Variants in SLC15A2 observed in about 807,000 individuals in gnomAD.
SLC15A2 encodes kidney H(+)/peptide cotransporter.
SLC15A2 carries 77 observed loss-of-function variants against 95.5 expected under a neutral mutation model. That is an observed-to-expected ratio of 0.81 (90% CI 0.67 to 0.97). The LOEUF is 0.97. SLC15A2 is among the 50% of genes least tolerant of loss of function. SLC15A2 has a pLI of 0.00. For synonymous variants in SLC15A2, 306 were observed against 306.9 expected (o/e 1.00, Z 0.03); for missense variants, 893 against 874.4 (o/e 1.02, Z -0.27).
At chr3:121,917,376 A>G (rs11914993) in intron 7 of SLC15A2, among the ~76,000 whole-genome samples, 67,865 of 151,946 alleles carry the variant, frequency 0.45, 15,692 homozygotes, top group East Asian at 0.69. Context: ...ATGGGAATGC[A>G]TAGAAGCAAT....
intron 20 of SLC15A2, among the ~76,000 whole-genome samples, chr3:121,939,727 C>T (rs1038117291): frequency 6.6e-6 from 1 of 152,084 alleles, no homozygotes; most frequent in Non-Finnish European, 1.5e-5. Context: ...AAATGAAGAG[C>T]TGCAGAGTCA....
chr3:121,905,326 G>A (rs1225868205), intron 3 of SLC15A2, among the ~76,000 whole-genome samples: 1 of 152,020 alleles, frequency 6.6e-6, no homozygotes, highest in Non-Finnish European at 1.5e-5. Context: ...TTTTTTGAAG[G>A]GTTTTTTGTG....
intron 13 of SLC15A2, 149 bp from the exon 14 acceptor site, chr3:121,927,609 C>A (rs1710146695): frequency 1.7e-6 from 1 of 590,964 alleles, no homozygotes; most frequent in Non-Finnish European, 3.0e-6. Flanking sequence ...AATTAAACTT[C>A]TTTTCTTTAT....
In SLC15A2 at chr3:121,930,963, C is replaced by T; in HGVS notation, c.1664+13C>T. 6.7e-7 allele frequency: 1 copy of T among 1,492,372 alleles called. No homozygotes were observed. The highest frequency in any genetic ancestry group is 9.3e-7 in the Non-Finnish European group (1 of 1,071,222). 92.4% of individuals were successfully genotyped at this position (1,492,372 alleles called of 1,614,324 possible). On this transcript the variant is annotated intron_variant, in intron 18 of 21. Transcript: ENST00000489711. The stretch of plus-strand genomic sequence containing the variant: ...TGCAAAGAGGAGAGTAAGTGCATTG[C>T]CCCTGTGGACATTTTACTTTTGTCA...
At chr3:121,917,466 A>G (rs1028374332) in intron 7 of SLC15A2, among the ~76,000 whole-genome samples, 1 of 152,122 alleles carries the variant, frequency 6.6e-6, no homozygotes, top group African/African-American at 2.4e-5. Context: ...AGGCAGGAGG[A>G]TTGCGTGAGC....
Position 121,894,450 on chromosome 3 carries a change from GGAGA to G in SLC15A2, c.-17_-14del. 1 of 1,583,856 alleles carries G rather than the reference GGAGA, an allele frequency of 6.3e-7. No individual in the cohort carries two copies. Among genetic ancestry groups the G allele is most frequent in the Non-Finnish European group, 8.6e-7 (1 of 1,156,386 alleles). Reference sequence around the variant, plus strand: ...CTGCCTACTAAAGCCAAATGCTTGAGGAGAGAGAGAGAGTAAGGAGCCAGCCATG... The same window carrying G: ...CTGCCTACTAAAGCCAAATGCTTGAGGAGAGAGAGTAAGGAGCCAGCCATG... On this transcript the variant is annotated 5_prime_UTR_variant, in exon 1 of 22. It introduces an in-frame stop codon into an upstream open reading frame of the 5' UTR. Coordinates refer to ENST00000489711, the MANE Select transcript of SLC15A2 (RefSeq NM_021082.4).
In SLC15A2 at chr3:121,929,003, C is replaced by T. The variant is rs750094497; in HGVS notation, c.1363C>T (p.Leu455=). 1 of 1,614,064 alleles carries T rather than the reference C, an allele frequency of 6.2e-7. No individual in the cohort carries two copies. The highest frequency in any genetic ancestry group is 1.1e-5 in the South Asian group (1 of 91,072). Residue 455 remains leucine, a synonymous_variant, in exon 16 of 22, where the codon CTG becomes TTG. Coordinates refer to ENST00000489711, the MANE Select transcript of SLC15A2 (RefSeq NM_021082.4). ...ACAGAAAACACCACACTATTCCAAA[C>T]TGCACCTGAAAACAAAAAGCCAGGA... ...SFQKTPHYSK[L]HLKTKSQDFH...
At chr3:121,927,318 G>A (rs1354485433) in intron 13 of SLC15A2, among the ~76,000 whole-genome samples, 1 of 152,224 alleles carries the variant, frequency 6.6e-6, no homozygotes, top group African/African-American at 2.4e-5. Context: ...AGTGATAAAG[G>A]TGGGGCCTGG....
Position 121,923,137 on chromosome 3 carries a change from T to C in SLC15A2, c.957+8T>C, listed in dbSNP as rs968604039. ...GCTCTTTTGGATCAGCAGGTAAGAATAGTTCTTTTGGACATTACCGCTCCT... is the reference window on the plus strand; with the variant it reads ...GCTCTTTTGGATCAGCAGGTAAGAACAGTTCTTTTGGACATTACCGCTCCT... On this transcript the variant is annotated splice_region_variant and intron_variant, in intron 10 of 21. Transcript: ENST00000489711. The C allele has an allele frequency of 1.2e-6, 2 of 1,613,762 alleles. No individual in the cohort carries two copies. Among genetic ancestry groups the C allele is most frequent in the East Asian group, 4.5e-5 (2 of 44,888 alleles).
chr3:121,906,031 C>G (rs1207519275), intron 3 of SLC15A2, among the ~76,000 whole-genome samples: 1 of 152,122 alleles, frequency 6.6e-6, no homozygotes, highest in Non-Finnish European at 1.5e-5. Flanking sequence ...TCTGGGTGCT[C>G]CTGTACTGGG....
chr3:121,925,050 T>C lies in SLC15A2; in HGVS notation c.1124+17T>C. ...TAACTTCTCGTAAGTGTTCACTATG[T>C]CTGTATGGATTACTCTAAATTGACT... On this transcript the variant is annotated intron_variant, in intron 13 of 21. Coordinates refer to ENST00000489711, the MANE Select transcript of SLC15A2 (RefSeq NM_021082.4). The C allele has an allele frequency of 6.7e-7, 1 of 1,495,852 alleles. No homozygotes were observed. The highest frequency in any genetic ancestry group is 1.1e-5 in the South Asian group (1 of 88,840). 92.7% of individuals were successfully genotyped at this position (1,495,852 alleles called of 1,614,324 possible).
In SLC15A2 at chr3:121,896,284, C is replaced by G. The variant is rs538014273; in HGVS notation, c.106-122C>G. On this transcript the variant is annotated intron_variant, in intron 1 of 21. Transcript: ENST00000489711. ...ATAGGTGTGTCATGAAGAGTAGAGA[C>G]CATTGCTCCATTACCTACCAAGATG... The G allele has an allele frequency of 5.6e-4, 420 of 752,482 alleles. 4 individuals carry two copies. In the South Asian group the frequency reaches 5.7e-3, roughly 10 times the overall value. 46.6% of individuals were successfully genotyped at this position (752,482 alleles called of 1,614,324 possible). A position where few individuals can be genotyped will look rare whatever the true frequency, so the allele number is the denominator to read the frequency against.
In SLC15A2 at chr3:121,940,243, C is replaced by T. The variant is rs141372470; in HGVS notation, c.1909-141C>T. On this transcript the variant is annotated intron_variant, in intron 20 of 21. Coordinates refer to ENST00000489711, the MANE Select transcript of SLC15A2 (RefSeq NM_021082.4). Reference sequence around the variant, plus strand: ...TTATTCTTACTGTTTACATTATTAACACCCTCTGAATCAATGTGATAGCTG... The same window carrying T: ...TTATTCTTACTGTTTACATTATTAATACCCTCTGAATCAATGTGATAGCTG... 1,386 of 606,778 alleles carry T rather than the reference C, an allele frequency of 2.3e-3. 4 individuals are homozygous for T. Among genetic ancestry groups the T allele is most frequent in the Middle Eastern group, 5.6e-3 (13 of 2,328 alleles). The allele number at this position is 606,778 out of a possible 1,614,324, so 37.6% of individuals were successfully genotyped here.
Position 121,941,326 on chromosome 3 carries a change from T to C in SLC15A2, c.*319T>C, listed in dbSNP as rs1710460817. 4.9e-6 allele frequency: 1 copy of C among 202,848 alleles called. No individual in the cohort carries two copies. Among genetic ancestry groups the C allele is most frequent in the African/African-American group, 2.3e-5 (1 of 43,428 alleles). The allele number at this position is 202,848 out of a possible 1,614,324, so 12.6% of individuals were successfully genotyped here. A position where few individuals can be genotyped will look rare whatever the true frequency, so the allele number is the denominator to read the frequency against. Reference sequence around the variant, plus strand: ...CTGTGGGTATGCAAAGTTATGGGAATTCCTTTATAGGTAACTGCCATTTAG... The same window carrying C: ...CTGTGGGTATGCAAAGTTATGGGAACTCCTTTATAGGTAACTGCCATTTAG... On this transcript the variant is annotated 3_prime_UTR_variant, in exon 22 of 22. Coordinates refer to ENST00000489711, the MANE Select transcript of SLC15A2 (RefSeq NM_021082.4).
rs778101552 is a variant in SLC15A2, at chr3:121,915,295, A to G, written c.597A>G (p.Thr199=). 4 of 1,611,042 alleles carry G rather than the reference A, an allele frequency of 2.5e-6. No individual in the cohort carries two copies. Among genetic ancestry groups the G allele is most frequent in the Middle Eastern group, 1.6e-4 (1 of 6,082 alleles). The change falls in exon 6 of 22, where the codon ACA becomes ACG. Residue 199 remains threonine (T), a synonymous_variant. Coordinates refer to ENST00000489711, the MANE Select transcript of SLC15A2 (RefSeq NM_021082.4). ...LSINAGSLIS[T]FITPMLRGDV... is the part of the protein sequence containing the mutation. ...TCAATGCAGGGAGCTTGATTTCTAC[A>G]TTTATCACACCCATGCTGAGAGGTT...
At chr3:121,910,047 AT>A (rs946933878) in intron 3 of SLC15A2, among the ~76,000 whole-genome samples, 9 of 149,174 alleles carry the variant, frequency 6.0e-5, no homozygotes, top group South Asian at 4.3e-4. Flanking sequence ...GATAGCTAGC[AT>A]TTTTTTTTCT....
intron 19 of SLC15A2, among the ~76,000 whole-genome samples, chr3:121,933,207 T>C (rs1710267518): frequency 6.7e-6 from 1 of 148,880 alleles, no homozygotes; most frequent in Non-Finnish European, 1.5e-5. Context: ...TTGTGAATAA[T>C]GCCGCAATAA....
intron 13 of SLC15A2, among the ~76,000 whole-genome samples, chr3:121,925,405 C>T (rs1171811911): frequency 2.0e-5 from 3 of 151,994 alleles, no homozygotes; most frequent in African/African-American, 7.2e-5. Flanking sequence ...TTTAAATCTC[C>T]TGTTGTCCCT....
Position 121,928,468 on chromosome 3 carries a change from C to G in SLC15A2, c.1254C>G (p.Val418=). 1 of 1,614,068 alleles carries G rather than the reference C, an allele frequency of 6.2e-7. No individual in the cohort carries two copies. The highest frequency in any genetic ancestry group is 8.5e-7 in the Non-Finnish European group (1 of 1,179,958). Residue 418 remains valine (V), a synonymous_variant, in exon 15 of 22, where the codon GTC becomes GTG. Coordinates refer to ENST00000489711, the MANE Select transcript of SLC15A2 (RefSeq NM_021082.4). ...QPGPQEVFLQ[V]LNLADDEVKV... is the part of the protein sequence containing the mutation. ...GTCCCCAGGAGGTTTTCCTACAAGT[C>G]TTGAATCTGGCAGATGATGAGGTGA...
Sources: allele counts gnomAD v4.1 joint callset (sites outside exome capture counted in the v4.1 genomes callset), GRCh38; gene constraint gnomAD v4.1.1; transcripts MANE v1.5; gene names NCBI Gene and HGNC (gene_info 2026-07-23, HGNC 2026-07-21).